Variants in CAMTA1 observed in about 807,000 individuals in gnomAD.
CAMTA1 encodes calmodulin-binding transcription activator 1.
In CAMTA1, 27 loss-of-function variants were observed where a neutral mutation model predicts 170.9. That is an observed-to-expected ratio of 0.16 (90% CI 0.12 to 0.22). The LOEUF is 0.22. Ranked by LOEUF, CAMTA1 falls within the 10% of genes least tolerant of loss-of-function variation. The pLI is 1.00. For missense variants in CAMTA1, 1,619 were observed against 2,217.2 expected (o/e 0.73, Z 5.42); for synonymous variants, 833 against 891.5 (o/e 0.93, Z 1.17).
chr1:7,402,721 A>G (rs2089996099), intron 5 of CAMTA1, among the ~76,000 whole-genome samples: 2 of 152,186 alleles, frequency 1.3e-5, no homozygotes, highest in Non-Finnish European at 2.9e-5. Flanking sequence ...GGCTTTGGCA[A>G]GAAGAGTGGT....
At chr1:7,551,042 T>C (rs1395505211) in intron 6 of CAMTA1, among the ~76,000 whole-genome samples, 1 of 152,140 alleles carries the variant, frequency 6.6e-6, no homozygotes, top group African/African-American at 2.4e-5. Flanking sequence ...GACAACCTCA[T>C]TGAAAGGTCT....
At chr1:7,506,830 C>G (rs1478942674) in intron 6 of CAMTA1, among the ~76,000 whole-genome samples, 1 of 151,712 alleles carries the variant, frequency 6.6e-6, no homozygotes, top group Non-Finnish European at 1.5e-5. Flanking sequence ...GAACTACACC[C>G]ATGCTTACAC....
At chr1:6,995,294 T>C (rs568078816) in intron 3 of CAMTA1, among the ~76,000 whole-genome samples, 8 of 129,026 alleles carry the variant, frequency 6.2e-5, no homozygotes, top group East Asian at 2.1e-4. Flanking sequence ...TTTTTTCTTT[T>C]CTTTTTTTTT....
chr1:7,328,833 C>G (rs1479268630), intron 5 of CAMTA1, among the ~76,000 whole-genome samples: 2 of 152,014 alleles, frequency 1.3e-5, no homozygotes, highest in African/African-American at 2.4e-5. Context: ...CTCTTGTTCC[C>G]TTATCATACT....
chr1:6,946,135 G>A (rs939042553), intron 3 of CAMTA1, among the ~76,000 whole-genome samples: 2 of 151,872 alleles, frequency 1.3e-5, no homozygotes, highest in African/African-American at 4.8e-5. Flanking sequence ...GCTGTATAGG[G>A]GAGTTCCAGT....
intron 5 of CAMTA1, among the ~76,000 whole-genome samples, chr1:7,320,678 A>C (rs1211472332): frequency 5.1e-5 from 4 of 78,258 alleles, no homozygotes; most frequent in Admixed American, 1.4e-4. Flanking sequence ...TTTTTTTGCT[A>C]TCTTAGCCAG....
chr1:7,564,899 T>G (rs2095019007), intron 6 of CAMTA1, among the ~76,000 whole-genome samples: 1 of 147,704 alleles, frequency 6.8e-6, no homozygotes, highest in African/African-American at 2.5e-5. Context: ...TGGAAAAAAA[T>G]AGTCAAGGAG....
rs935605241 is a variant in CAMTA1 at position 7,680,430 on chromosome 1, C to T, written c.2914+2697C>T. Among the ~76,000 whole-genome samples the T allele has an allele frequency of 3.4e-4, 51 of 152,052 alleles. No homozygotes were observed. The highest frequency in any genetic ancestry group is 1.2e-3 in the African/African-American group (50 of 41,418). ...CGCGGAGCAAACTGGGGCACGGCTG[C>T]CGGCGGCGCGCGTGCACACACTCTC... On this transcript the variant is annotated intron_variant, in intron 11 of 22. Coordinates refer to ENST00000303635, the MANE Select transcript of CAMTA1 (RefSeq NM_015215.4). This position sits in a 1 kb window ranked among gnomAD's most constrained non-coding sequence, Gnocchi z 4.4.
chr1:7,282,314 A>G (rs1274622008), intron 5 of CAMTA1, among the ~76,000 whole-genome samples: 1 of 152,006 alleles, frequency 6.6e-6, no homozygotes, highest in African/African-American at 2.4e-5. Context: ...CATGCACCCC[A>G]TCTGCTCTTG....
intron 4 of CAMTA1, among the ~76,000 whole-genome samples, chr1:7,145,680 C>G (rs2148647122): frequency 6.6e-6 from 1 of 152,288 alleles, no homozygotes; most frequent in East Asian, 1.9e-4. Flanking sequence ...GGACTCCAGT[C>G]TGATTGCATA....
At chr1:7,310,654 T>TC (rs70984068) in intron 5 of CAMTA1, among the ~76,000 whole-genome samples, 800 of 62,138 alleles carry the variant, frequency 0.013, 15 homozygotes, top group Non-Finnish European at 0.016. Flanking sequence ...CTTTTTTCTT[T>TC]CTTTCTTTCT....
chr1:7,635,735 G>A lies in CAMTA1; in HGVS notation c.511-4665G>A, dbSNP rs1246118633. 6.6e-6 allele frequency among the ~76,000 whole-genome samples: 1 copy of A among 151,878 alleles called. No individual in the cohort carries two copies. The highest frequency in any genetic ancestry group is 1.9e-4 in the East Asian group (1 of 5,162). On this transcript the variant is annotated intron_variant, in intron 6 of 22. Coordinates refer to ENST00000303635, the MANE Select transcript of CAMTA1 (RefSeq NM_015215.4). The surrounding 1 kb of genome is among the most constrained non-coding windows in gnomAD (Gnocchi z 4.4). ...GAGCTGGTCCACCTGAGCCCATCTC[G>A]CCACCAGCAAAGCAGCTCAGCAAGG...
intron 4 of CAMTA1, among the ~76,000 whole-genome samples, chr1:7,204,084 C>G (rs527937401): frequency 6.6e-6 from 1 of 151,914 alleles, no homozygotes; most frequent in African/African-American, 2.4e-5. Context: ...GTGATCCGCT[C>G]GCCTCAGCCT....
intron 3 of CAMTA1, among the ~76,000 whole-genome samples, chr1:6,848,244 T>TAAAA (rs1659042535): frequency 6.6e-6 from 1 of 152,162 alleles, no homozygotes; most frequent in Non-Finnish European, 1.5e-5. Context: ...CTCCTTGGCC[T>TAAAA]CAAACAATCC....
chr1:7,139,731 C>T (rs1355590256), intron 4 of CAMTA1, among the ~76,000 whole-genome samples: 1 of 152,048 alleles, frequency 6.6e-6, no homozygotes, highest in East Asian at 1.9e-4. Context: ...GTGGGCTCAG[C>T]GGATGGTTGT....
At chr1:7,727,666 G>A (rs781468095) in intron 11 of CAMTA1, among the ~76,000 whole-genome samples, 3 of 152,164 alleles carry the variant, frequency 2.0e-5, no homozygotes, top group South Asian at 2.1e-4. Flanking sequence ...CCTATATCCC[G>A]TAATCACACA....
At chr1:7,721,575 G>A (rs1390020283) in intron 11 of CAMTA1, among the ~76,000 whole-genome samples, 2 of 152,040 alleles carry the variant, frequency 1.3e-5, no homozygotes, top group South Asian at 4.2e-4. Context: ...ATTCCTGGTC[G>A]TGAGCCAGGA....
chr1:7,078,625 C>G (rs1182840940), intron 3 of CAMTA1, among the ~76,000 whole-genome samples: 2 of 152,194 alleles, frequency 1.3e-5, no homozygotes, highest in Admixed American at 1.3e-4. Flanking sequence ...ACTTTTGCCA[C>G]TGGCTGTGAT....
intron 3 of CAMTA1, among the ~76,000 whole-genome samples, chr1:6,902,859 G>GCAAACA (rs1407727280): frequency 2.8e-4 from 42 of 152,314 alleles, no homozygotes; most frequent in Non-Finnish European, 4.0e-4. Context: ...AACATTGCTG[G>GCAAACA]TTGGTGTATG....
Sources: gnomAD v4.1 joint callset for allele counts (sites outside exome capture counted in the v4.1 genomes callset) on GRCh38, gnomAD v4.1.1 for gene constraint, Gnocchi (gnomAD v3.1) non-coding constraint, MANE v1.5 for transcripts, NCBI Gene and HGNC (gene_info 2026-07-23, HGNC 2026-07-21) for gene names.